Variants in ANGPT1 observed in about 807,000 individuals in gnomAD.
ANGPT1 encodes angiopoietin 1, also known as angiopoietin-1.
ANGPT1 carries 17 observed loss-of-function variants against 62.2 expected under a neutral mutation model. That is an observed-to-expected ratio of 0.27 (90% CI 0.19 to 0.41). ANGPT1 has a LOEUF of 0.41. Ranked by LOEUF, ANGPT1 falls within the 10% of genes least tolerant of loss-of-function variation. The pLI, the probability that ANGPT1 is intolerant of heterozygous loss-of-function variation, is 1.00. For synonymous variants in ANGPT1, 199 were observed against 198.9 expected (o/e 1.00, Z 0.00); for missense variants, 478 against 594.9 (o/e 0.80, Z 2.04).
chr8:107,307,193 G>A (rs148816710), intron 4 of ANGPT1, among the ~76,000 whole-genome samples: 5 of 151,656 alleles, frequency 3.3e-5, no homozygotes, highest in East Asian at 3.9e-4. Flanking sequence ...ACTGCTTTCC[G>A]AGCCTCCCTT....
At chr8:107,379,241 T>A (rs1174097252) in intron 1 of ANGPT1, among the ~76,000 whole-genome samples, 1 of 149,762 alleles carries the variant, frequency 6.7e-6, no homozygotes, top group African/African-American at 2.5e-5. Context: ...AAGGCAGACA[T>A]TCATCACCTG....
At chr8:107,317,643 T>G (rs973006476) in intron 4 of ANGPT1, among the ~76,000 whole-genome samples, 16 of 151,786 alleles carry the variant, frequency 1.1e-4, no homozygotes, top group Non-Finnish European at 1.8e-4. Context: ...TATTTTTTTT[T>G]TTTTTGAGAC....
At chr8:107,294,240 T>C (rs1208810724) in intron 5 of ANGPT1, 1 of 409,714 alleles carries the variant, frequency 2.4e-6, no homozygotes, top group African/African-American at 2.1e-5. Flanking sequence ...TTAAATTCCA[T>C]CAATGATGAA....
In ANGPT1 at chr8:107,422,914, G is replaced by A. The variant is rs1469998089; in HGVS notation, c.297+74348C>T. On this transcript the variant is annotated intron_variant, in intron 1 of 8. Coordinates refer to ENST00000517746, the MANE Select transcript of ANGPT1 (RefSeq NM_001146.5). Reference sequence around the variant, plus strand: ...GAAAAACTCTATAGTAAACATTTTCGCAGAGAAATTTGCAGTTACCTGGTG... The same window carrying A: ...GAAAAACTCTATAGTAAACATTTTCACAGAGAAATTTGCAGTTACCTGGTG... Among the ~76,000 whole-genome samples, 10 of 152,194 alleles carry A rather than the reference G, an allele frequency of 6.6e-5. No homozygotes were observed. In the East Asian group the frequency reaches 1.2e-3, roughly 18 times the overall value.
At chr8:107,363,793 G>T (rs1816216983) in intron 1 of ANGPT1, among the ~76,000 whole-genome samples, 1 of 152,064 alleles carries the variant, frequency 6.6e-6, no homozygotes, top group Non-Finnish European at 1.5e-5. Flanking sequence ...TGTTACAGAG[G>T]CCTAGCTTCC....
chr8:107,279,360 G>A (rs1813941928), intron 7 of ANGPT1, among the ~76,000 whole-genome samples: 2 of 152,180 alleles, frequency 1.3e-5, no homozygotes, highest in South Asian at 4.1e-4. Flanking sequence ...GATAGGTAAT[G>A]TGTCCAAAGG....
rs534485277 is a variant in ANGPT1 at position 107,392,182 on chromosome 8, A to G, written c.298-45085T>C. ...AATTTGTTTTAAAATATCCTTGAGG[A>G]TAATCTTGTATATAATTATATGAAT... On this transcript the variant is annotated intron_variant, in intron 1 of 8. Transcript: ENST00000517746. Among the ~76,000 whole-genome samples the G allele has an allele frequency of 3.3e-5, 5 of 152,300 alleles. No individual in the cohort carries two copies. In the South Asian group the frequency reaches 1.0e-3, roughly 32 times the overall value.
chr8:107,393,548 G>A (rs1365529190), intron 1 of ANGPT1, among the ~76,000 whole-genome samples: 5 of 152,230 alleles, frequency 3.3e-5, no homozygotes, highest in East Asian at 1.9e-4. Context: ...AGCGGCTCAC[G>A]CCTGTAATCC....
At chr8:107,355,122 G>A (rs767662659) in intron 1 of ANGPT1, among the ~76,000 whole-genome samples, 10 of 151,864 alleles carry the variant, frequency 6.6e-5, no homozygotes, top group African/African-American at 1.7e-4. Context: ...GGCTGGTCTC[G>A]AAGTCCTGAC....
At chr8:107,294,148 C>T (rs918380514) in intron 5 of ANGPT1, 111 bp from the exon 6 acceptor site, 7 of 653,232 alleles carry the variant, frequency 1.1e-5, no homozygotes, top group African/African-American at 3.8e-5. Context: ...TTACAAAAAC[C>T]GAAATTACTA....
chr8:107,366,292 A>G (rs1054074074), intron 1 of ANGPT1, among the ~76,000 whole-genome samples: 3 of 152,198 alleles, frequency 2.0e-5, no homozygotes, highest in African/African-American at 7.2e-5. Flanking sequence ...GAAATGGGAG[A>G]GCAGAGATTA....
intron 1 of ANGPT1, among the ~76,000 whole-genome samples, chr8:107,425,973 T>C (rs890314181): frequency 2.0e-5 from 3 of 152,156 alleles, no homozygotes; most frequent in African/African-American, 7.2e-5. Flanking sequence ...TTGGTAATCC[T>C]CTTGGAAAAT....
intron 1 of ANGPT1, among the ~76,000 whole-genome samples, chr8:107,453,894 A>G (rs1298051225): frequency 6.6e-6 from 1 of 151,942 alleles, no homozygotes. Context: ...CCATTTATAG[A>G]GTCACCATAG....
intron 1 of ANGPT1, among the ~76,000 whole-genome samples, chr8:107,378,234 G>T (rs1464324129): frequency 6.6e-6 from 1 of 152,106 alleles, no homozygotes; most frequent in Non-Finnish European, 1.5e-5. Context: ...TTGTCATTAT[G>T]ATTATTGTTA....
Position 107,463,363 on chromosome 8 carries a change from G to T in ANGPT1, c.297+33899C>A, listed in dbSNP as rs1178441558. On this transcript the variant is annotated intron_variant, in intron 1 of 8. Transcript: ENST00000517746. ...CTAGAGCAAAGGACCCACGTAAGTT[G>T]TGCCCAAATTCCTGAACCACAGAAA... Among the ~76,000 whole-genome samples the T allele has an allele frequency of 4.6e-5, 7 of 152,256 alleles. No homozygotes were observed. The South Asian group carries it at 1.5e-3, about 32-fold the overall frequency.
chr8:107,269,907 T>C (rs889004065), intron 7 of ANGPT1, among the ~76,000 whole-genome samples: 2 of 152,064 alleles, frequency 1.3e-5, no homozygotes, highest in Admixed American at 6.6e-5. Context: ...GGAAAACTGA[T>C]GTCCATTGAA....
At chr8:107,259,215 T>G (rs1333175475) in intron 8 of ANGPT1, among the ~76,000 whole-genome samples, 1 of 152,214 alleles carries the variant, frequency 6.6e-6, no homozygotes, top group Non-Finnish European at 1.5e-5. Context: ...TATCTGATCA[T>G]GCTTAGCAGG....
At chr8:107,402,940 A>G (rs962069965) in intron 1 of ANGPT1, among the ~76,000 whole-genome samples, 12 of 152,184 alleles carry the variant, frequency 7.9e-5, no homozygotes, top group Admixed American at 6.5e-5. Context: ...TGAACATTTC[A>G]GTTTTGTTTG....
At chr8:107,422,573 A>G (rs1035698557) in intron 1 of ANGPT1, among the ~76,000 whole-genome samples, 2 of 152,212 alleles carry the variant, frequency 1.3e-5, no homozygotes, top group African/African-American at 4.8e-5. Flanking sequence ...TCGTGGCTCC[A>G]GAGTGTCTTC....
Sources: allele counts gnomAD v4.1 joint callset (sites outside exome capture counted in the v4.1 genomes callset), GRCh38; gene constraint gnomAD v4.1.1; transcripts MANE v1.5; gene names NCBI Gene and HGNC (gene_info 2026-07-23, HGNC 2026-07-21).